The following KCNH5 variants were observed in gnomAD, a reference collection of about 807,000 sequenced individuals.
KCNH5 encodes potassium voltage-gated channel subfamily H member 5.
Under a neutral mutation model 96.1 loss-of-function variants are expected in KCNH5, and 46 were observed. The ratio of observed to expected loss-of-function variants is 0.48; its 90% CI spans 0.38 to 0.61. The LOEUF (loss-of-function observed/expected upper bound fraction) is 0.61, where lower values mean the gene tolerates loss of function less well. KCNH5 is among the 20% of genes least tolerant of loss of function. The pLI, the probability that KCNH5 is intolerant of heterozygous loss-of-function variation, is 0.00. For missense variants in KCNH5, 907 were observed against 1,225.8 expected (o/e 0.74, Z 3.88); for synonymous variants, 439 against 449.8 (o/e 0.98, Z 0.30).
intron 4 of KCNH5, among the ~76,000 whole-genome samples, chr14:62,999,808 A>T (rs1188917241): frequency 6.6e-6 from 1 of 151,098 alleles, no homozygotes; most frequent in East Asian, 1.9e-4. Context: ...GCACATGTAT[A>T]CATATGTAAC....
intron 7 of KCNH5, among the ~76,000 whole-genome samples, chr14:62,868,422 T>C (rs1487759374): frequency 6.6e-6 from 1 of 152,266 alleles, no homozygotes; most frequent in African/African-American, 2.4e-5. Flanking sequence ...GGTGCAAAAG[T>C]AATTGCTGTT....
intron 10 of KCNH5, among the ~76,000 whole-genome samples, chr14:62,766,895 A>G (rs935921794): frequency 2.0e-5 from 3 of 152,184 alleles, no homozygotes; most frequent in Admixed American, 6.5e-5. Context: ...TCTCCATGAT[A>G]TGATTATTTC....
chr14:62,999,220 T>C (rs1051116187), intron 4 of KCNH5, among the ~76,000 whole-genome samples: 2 of 152,200 alleles, frequency 1.3e-5, no homozygotes, highest in South Asian at 2.1e-4. Context: ...TTTTTAATGA[T>C]TGCCATTCTA....
intron 4 of KCNH5, among the ~76,000 whole-genome samples, chr14:62,996,455 C>T (rs2139585462): frequency 6.6e-6 from 1 of 152,250 alleles, no homozygotes. Context: ...CTGATTTTCC[C>T]TATAAATTCT....
chr14:62,968,294 A>G (rs77386928), intron 6 of KCNH5, among the ~76,000 whole-genome samples: 29,098 of 152,088 alleles, frequency 0.19, 3,094 homozygotes, highest in Non-Finnish European at 0.25. Context: ...TTACACCTGC[A>G]AATAGTTTGT....
intron 9 of KCNH5, among the ~76,000 whole-genome samples, chr14:62,780,584 G>A (rs1293349310): frequency 6.6e-6 from 1 of 152,058 alleles, no homozygotes; most frequent in Non-Finnish European, 1.5e-5. Context: ...TCTATAAAAA[G>A]TGCTATACTA....
rs112521569 is a variant in KCNH5, at chr14:62,774,820, C to A, written c.2019+4908G>T. Among the ~76,000 whole-genome samples, 595 of 151,874 alleles carry A rather than the reference C, an allele frequency of 3.9e-3. 2 individuals are homozygous for A. The highest frequency in any genetic ancestry group is 0.013 in the African/African-American group (545 of 41,420). ...TGTGTTCTTATTATTGAAAAAAAAA[C>A]CCCAGCAGGTCCTTCTGCTCAATTC... is the stretch of plus-strand genomic sequence containing the variant. On this transcript the variant is annotated intron_variant, in intron 10 of 10. Coordinates refer to ENST00000322893, the MANE Select transcript of KCNH5 (RefSeq NM_139318.5).
At chr14:62,949,515 T>C (rs1889958377) in intron 7 of KCNH5, among the ~76,000 whole-genome samples, 1 of 152,180 alleles carries the variant, frequency 6.6e-6, no homozygotes, top group Non-Finnish European at 1.5e-5. Flanking sequence ...CTTTGTTCCT[T>C]TAGGGGGTAT....
intron 1 of KCNH5, among the ~76,000 whole-genome samples, chr14:63,024,271 A>C (rs1415765799): frequency 2.0e-5 from 3 of 151,686 alleles, no homozygotes; most frequent in Non-Finnish European, 4.4e-5. Context: ...ACCAAAACTT[A>C]AGGGAAGCAA....
At chr14:62,789,651 G>T (rs2139986879) in intron 9 of KCNH5, among the ~76,000 whole-genome samples, 1 of 151,950 alleles carries the variant, frequency 6.6e-6, no homozygotes, top group South Asian at 2.1e-4. Flanking sequence ...ATCTCATAAT[G>T]ACTTTAATTT....
intron 10 of KCNH5, among the ~76,000 whole-genome samples, chr14:62,766,448 T>G (rs35872261): frequency 0.17 from 25,464 of 152,162 alleles, 2,540 homozygotes; most frequent in Non-Finnish European, 0.22. Context: ...AGTAGATGAA[T>G]GCATAAAGAA....
intron 8 of KCNH5, among the ~76,000 whole-genome samples, chr14:62,823,293 A>T (rs17100391): frequency 0.073 from 11,081 of 152,046 alleles, 501 homozygotes; most frequent in African/African-American, 0.12. Flanking sequence ...AAGTATAATC[A>T]TTTTCTGCAC....
chr14:62,716,331 C>G lies in KCNH5; in HGVS notation c.2020-7876G>C, dbSNP rs530402081. 8.5e-4 allele frequency among the ~76,000 whole-genome samples: 130 copies of G among 152,218 alleles called. 5 individuals are homozygous for G. In the South Asian group the frequency reaches 0.024, roughly 29 times the overall value. On this transcript the variant is annotated intron_variant, in intron 10 of 10. Transcript: ENST00000322893. ...TTTAGTCTCGTTTTTCTTCATTCTA[C>G]TCTTTGATGTTGAATATAAAATATA...
intron 8 of KCNH5, among the ~76,000 whole-genome samples, chr14:62,821,200 T>A (rs994241234): frequency 1.3e-5 from 2 of 151,036 alleles, no homozygotes; most frequent in Non-Finnish European, 2.9e-5. Flanking sequence ...AACAATCATA[T>A]GGGAAAAAAA....
At chr14:63,014,817 A>C (rs1289280795) in intron 2 of KCNH5, among the ~76,000 whole-genome samples, 1 of 152,108 alleles carries the variant, frequency 6.6e-6, no homozygotes, top group African/African-American at 2.4e-5. Flanking sequence ...TCTGAGATAA[A>C]CCTGGCATGA....
At chr14:62,854,004 C>CAAAAAA (rs548263620) in intron 7 of KCNH5, among the ~76,000 whole-genome samples, 5 of 84,222 alleles carry the variant, frequency 5.9e-5, no homozygotes, top group Admixed American at 1.4e-4. Flanking sequence ...GAGACTCTGT[C>CAAAAAA]AAAAAAAAAA....
chr14:62,849,578 C>T (rs1347706774), intron 8 of KCNH5, 75 bp downstream of exon 8: 9 of 1,169,646 alleles, frequency 7.7e-6, no homozygotes, highest in African/African-American at 1.5e-5. Context: ...ACAAGCAATA[C>T]GTGACTGGAA....
intron 6 of KCNH5, among the ~76,000 whole-genome samples, chr14:62,952,567 A>C (rs531186285): frequency 1.3e-5 from 2 of 152,236 alleles, no homozygotes; most frequent in Non-Finnish European, 2.9e-5. Flanking sequence ...GATGTTATAG[A>C]TAATATTTTC....
intron 8 of KCNH5, among the ~76,000 whole-genome samples, chr14:62,808,829 T>C (rs1022771567): frequency 2.6e-5 from 4 of 152,132 alleles, no homozygotes; most frequent in African/African-American, 9.6e-5. Flanking sequence ...TAAAACTTTT[T>C]ATCAACCACA....
Sources: gnomAD v4.1 joint callset for allele counts (sites outside exome capture counted in the v4.1 genomes callset) on GRCh38, gnomAD v4.1.1 for gene constraint, MANE v1.5 for transcripts, NCBI Gene and HGNC (gene_info 2026-07-23, HGNC 2026-07-21) for gene names.